PDE11A: variants seen among roughly 807,000 people sequenced by gnomAD.
PDE11A encodes dual 3',5'-cyclic-AMP and -GMP phosphodiesterase 11A.
Under a neutral mutation model 100.5 loss-of-function variants are expected in PDE11A, and 100 were observed. The ratio of observed to expected loss-of-function variants is 1.00; its 90% CI spans 0.85 to 1.18. The LOEUF (loss-of-function observed/expected upper bound fraction) is 1.18. Among genes scored for constraint, PDE11A ranks in the 50% most tolerant of loss-of-function variants. The pLI, the probability that PDE11A is intolerant of heterozygous loss-of-function variation, is 0.00. For missense variants in PDE11A, 1,141 were observed against 1,152.6 expected (o/e 0.99, Z 0.15); for synonymous variants, 381 against 420.8 (o/e 0.91, Z 1.16).
chr2:177,855,631 T>A (rs1390343163), intron 5 of PDE11A, among the ~76,000 whole-genome samples: 1 of 152,016 alleles, frequency 6.6e-6, no homozygotes, highest in Non-Finnish European at 1.5e-5. Flanking sequence ...ATTTGACCTG[T>A]TTGGCAGTTC....
At chr2:177,736,663 C>A (rs965514267) in intron 10 of PDE11A, among the ~76,000 whole-genome samples, 1 of 152,138 alleles carries the variant, frequency 6.6e-6, no homozygotes, top group Non-Finnish European at 1.5e-5. Flanking sequence ...GTGGATGCAC[C>A]TAGCAAAGGA....
intron 10 of PDE11A, among the ~76,000 whole-genome samples, chr2:177,736,773 T>C (rs1574092406): frequency 6.6e-6 from 1 of 152,286 alleles, no homozygotes. Flanking sequence ...TTGAAACCTC[T>C]CATTATTTGC....
chr2:177,802,513 T>A (rs1182942799), intron 9 of PDE11A, among the ~76,000 whole-genome samples: 1 of 152,090 alleles, frequency 6.6e-6, no homozygotes, highest in South Asian at 2.1e-4. Context: ...AAAATGTTAC[T>A]TAGCAATTAA....
intron 2 of PDE11A, among the ~76,000 whole-genome samples, chr2:178,091,187 C>T (rs1227063968): frequency 6.6e-6 from 1 of 152,174 alleles, no homozygotes; most frequent in Non-Finnish European, 1.5e-5. Flanking sequence ...TCTCCTGCCA[C>T]AGCCTCCCGA....
chr2:177,817,837 T>G (rs762312898), intron 8 of PDE11A, 21 bp downstream of exon 8: 2 of 1,202,216 alleles, frequency 1.7e-6, no homozygotes, highest in Admixed American at 1.7e-5. Flanking sequence ...CTCCACTTGG[T>G]TTATAAATTT....
rs187208273 is a variant in PDE11A, at chr2:178,054,983, C to A, written c.912+16543G>T. On this transcript the variant is annotated intron_variant, in intron 1 of 19. Transcript: ENST00000286063. ...GAACTAGAAATACCATTTGACCCAA[C>A]ATCCCATTACTGAGTATATACCCAA... 1.0e-3 allele frequency among the ~76,000 whole-genome samples: 159 copies of A among 152,316 alleles called. 1 individual carries two copies. The highest frequency in any genetic ancestry group is 3.7e-3 in the African/African-American group (153 of 41,570).
At chr2:177,933,172 C>T (rs1296481535) in intron 2 of PDE11A, among the ~76,000 whole-genome samples, 1 of 151,676 alleles carries the variant, frequency 6.6e-6, no homozygotes, top group Non-Finnish European at 1.5e-5. Context: ...TTAAAAAGAT[C>T]GTAGATGACA....
intron 1 of PDE11A, among the ~76,000 whole-genome samples, chr2:178,024,630 C>T (rs1313984754): frequency 6.6e-6 from 1 of 152,160 alleles, no homozygotes; most frequent in Non-Finnish European, 1.5e-5. Context: ...CATATTTCAT[C>T]TACATCCTGT....
At chr2:177,838,235 C>T (rs2083436010) in intron 6 of PDE11A, among the ~76,000 whole-genome samples, 1 of 152,138 alleles carries the variant, frequency 6.6e-6, no homozygotes, top group African/African-American at 2.4e-5. Context: ...CTAGAAAATA[C>T]AAGCTTTCCT....
At chr2:178,033,921 G>C (rs2086578266) in intron 1 of PDE11A, among the ~76,000 whole-genome samples, 1 of 152,162 alleles carries the variant, frequency 6.6e-6, no homozygotes, top group Admixed American at 6.5e-5. Context: ...AGGAAAAGCT[G>C]TTACCAGCCA....
intron 4 of PDE11A, among the ~76,000 whole-genome samples, chr2:177,878,530 C>A (rs1410216381): frequency 6.6e-6 from 1 of 152,124 alleles, no homozygotes; most frequent in African/African-American, 2.4e-5. Context: ...AGCCAAACCA[C>A]ATAGAGAGGA....
At chr2:177,700,188 G>A (rs1459888178) in intron 14 of PDE11A, among the ~76,000 whole-genome samples, 1 of 152,074 alleles carries the variant, frequency 6.6e-6, no homozygotes, top group East Asian at 1.9e-4. Context: ...CTGCATTCAG[G>A]TTCTGGAGTG....
At chr2:177,660,053 T>TTC (rs372662264) in intron 19 of PDE11A, among the ~76,000 whole-genome samples, 531 of 10,316 alleles carry the variant, frequency 0.051, 56 homozygotes, top group East Asian at 0.33. Context: ...CTTTCTTTCT[T>TTC]TCTTTCTTTC....
intron 5 of PDE11A, among the ~76,000 whole-genome samples, chr2:177,844,143 G>C (rs1389532620): frequency 6.6e-6 from 1 of 152,186 alleles, no homozygotes; most frequent in African/African-American, 2.4e-5. Flanking sequence ...CAGGCTGCTA[G>C]AGCAAAATAC....
rs558614047 is a variant in PDE11A, at chr2:177,863,055, T to C, written c.1367+12804A>G. Among the ~76,000 whole-genome samples, 7 of 151,988 alleles carry C rather than the reference T, an allele frequency of 4.6e-5. No individual in the cohort carries two copies. In the East Asian group the frequency reaches 1.3e-3, roughly 29 times the overall value. On this transcript the variant is annotated intron_variant, in intron 5 of 19. Coordinates refer to ENST00000286063, the MANE Select transcript of PDE11A (RefSeq NM_016953.4). Reference sequence around the variant, plus strand: ...CCATGTATGGTCAACTAATTTATGATGAAAGCACCAACAGGACACAACAGG... The same window carrying C: ...CCATGTATGGTCAACTAATTTATGACGAAAGCACCAACAGGACACAACAGG...
intron 2 of PDE11A, among the ~76,000 whole-genome samples, chr2:177,916,927 A>ATTTTTTTTTTT (rs1183483256): frequency 2.8e-4 from 30 of 105,310 alleles, no homozygotes; most frequent in African/African-American, 5.5e-4. Context: ...CGCCCGGCTA[A>ATTTTTTTTTTT]TTTTTTTTTT....
chr2:178,025,172 A>G (rs985928882), intron 1 of PDE11A, among the ~76,000 whole-genome samples: 1 of 152,260 alleles, frequency 6.6e-6, no homozygotes, highest in African/African-American at 2.4e-5. Context: ...AGTTCTAAAT[A>G]GTACAAAAGA....
intron 12 of PDE11A, among the ~76,000 whole-genome samples, chr2:177,715,361 A>C (rs2081421142): frequency 1.3e-5 from 2 of 152,102 alleles, no homozygotes; most frequent in South Asian, 4.1e-4. Flanking sequence ...TTTCACAGAG[A>C]TATGCTTTGG....
At chr2:177,762,177 G>C (rs1558925642) in intron 10 of PDE11A, among the ~76,000 whole-genome samples, 2 of 152,146 alleles carry the variant, frequency 1.3e-5, no homozygotes, top group African/African-American at 4.8e-5. Flanking sequence ...AGGACCCCAT[G>C]ATGACTGTAC....
Sources: gnomAD v4.1 joint callset for allele counts (sites outside exome capture counted in the v4.1 genomes callset) on GRCh38, gnomAD v4.1.1 for gene constraint, MANE v1.5 for transcripts, NCBI Gene and HGNC (gene_info 2026-07-23, HGNC 2026-07-21) for gene names.